Variants in SNX29 observed in about 807,000 individuals in gnomAD.
The protein encoded by SNX29 is sorting nexin 29, also known as sorting nexin-29.
SNX29 carries 78 observed loss-of-function variants against 102.1 expected under a neutral mutation model. That is an observed-to-expected ratio of 0.76 (90% CI 0.64 to 0.92). The LOEUF is 0.92. Ranked by LOEUF, SNX29 falls within the 40% of genes least tolerant of loss-of-function variation. The probability of loss-of-function intolerance (pLI) is 0.00; values close to 1 mark genes in which losing one functional copy is unlikely to be tolerated. For synonymous variants in SNX29, 580 were observed against 414.5 expected (o/e 1.40, Z -4.85); for missense variants, 1,280 against 1,061.7 (o/e 1.21, Z -2.86).
chr16:12,540,332 G>A (rs559246417), intron 20 of SNX29, among the ~76,000 whole-genome samples: 2 of 152,116 alleles, frequency 1.3e-5, no homozygotes, highest in African/African-American at 4.8e-5. Context: ...CAGCTCTTAT[G>A]ATTAAAGAGG....
At chr16:12,540,164 G>A (rs189773217) in intron 20 of SNX29, among the ~76,000 whole-genome samples, 23 of 152,092 alleles carry the variant, frequency 1.5e-4, no homozygotes, top group Non-Finnish European at 2.4e-4. Context: ...TTAGATCTGC[G>A]ATTCATTTTG....
chr16:12,566,286 G>C (rs2079003474), intron 20 of SNX29, among the ~76,000 whole-genome samples: 1 of 152,138 alleles, frequency 6.6e-6, no homozygotes, highest in African/African-American at 2.4e-5. Flanking sequence ...AGCAGGACTG[G>C]ACAGAGACAC....
chr16:12,288,028 A>T (rs1462761903), intron 15 of SNX29, among the ~76,000 whole-genome samples: 1 of 152,208 alleles, frequency 6.6e-6, no homozygotes, highest in Non-Finnish European at 1.5e-5. Context: ...ATTACAAAAA[A>T]AAATTTTTTT....
Position 12,568,867 on chromosome 16 carries a change from T to G in SNX29, c.*238T>G, listed in dbSNP as rs2079122966. On this transcript the variant is annotated 3_prime_UTR_variant, in exon 21 of 21. Coordinates refer to ENST00000566228, the MANE Select transcript of SNX29 (RefSeq NM_032167.5). ...CTGGAGAGACTGGGACACACAGTCC[T>G]TCTGCTTCTGGGGTCTACCCTGGGC... The G allele has an allele frequency of 5.0e-6, 3 of 604,766 alleles. No homozygotes were observed. Among genetic ancestry groups the G allele is most frequent in the African/African-American group, 1.9e-5 (1 of 53,312 alleles). 37.5% of individuals were successfully genotyped at this position (604,766 alleles called of 1,614,324 possible). A position where few individuals can be genotyped will look rare whatever the true frequency, so the allele number is the denominator to read the frequency against.
chr16:12,519,972 A>G (rs1016787344), intron 19 of SNX29, among the ~76,000 whole-genome samples: 2 of 152,168 alleles, frequency 1.3e-5, no homozygotes, highest in Non-Finnish European at 2.9e-5. Context: ...CGACAGAGCG[A>G]GACTCTGTCC....
chr16:12,413,807 TACTC>T (rs1227644884), intron 18 of SNX29, among the ~76,000 whole-genome samples: 5 of 152,326 alleles, frequency 3.3e-5, no homozygotes, highest in African/African-American at 7.2e-5. Context: ...AGAGTGGCCT[TACTC>T]ACTTACCGCT....
Position 12,573,878 on chromosome 16 carries a change from G to A in SNX29, c.*5249G>A, listed in dbSNP as rs867300153. 9.6e-6 allele frequency: 2 copies of A among 208,066 alleles called. No individual in the cohort carries two copies. Among genetic ancestry groups the A allele is most frequent in the African/African-American group, 4.6e-5 (2 of 43,892 alleles). 12.9% of individuals were successfully genotyped at this position (208,066 alleles called of 1,614,324 possible). On this transcript the variant is annotated 3_prime_UTR_variant, in exon 21 of 21. Coordinates refer to ENST00000566228, the MANE Select transcript of SNX29 (RefSeq NM_032167.5). ...GAATGTTGGCCTCTCTTCATCCCTG[G>A]CTTAGCCGTCAGGTAGAACGCTTAC... is the stretch of plus-strand genomic sequence containing the variant.
At chr16:12,059,550 A>C (rs994109212) in intron 8 of SNX29, among the ~76,000 whole-genome samples, 1 of 151,986 alleles carries the variant, frequency 6.6e-6, no homozygotes, top group African/African-American at 2.4e-5. Context: ...TGTGCTTCTC[A>C]CTCTGTGCCA....
chr16:12,321,248 C>G (rs949366174), intron 15 of SNX29, among the ~76,000 whole-genome samples: 1 of 152,204 alleles, frequency 6.6e-6, no homozygotes, highest in Non-Finnish European at 1.5e-5. Context: ...ACGCAGGGAC[C>G]AAAGCCACCT....
chr16:12,232,141 G>A (rs2077788655), intron 14 of SNX29, among the ~76,000 whole-genome samples: 1 of 152,194 alleles, frequency 6.6e-6, no homozygotes, highest in Admixed American at 6.5e-5. Context: ...TTTTGAGGAT[G>A]AAACCTTCAA....
At chr16:12,134,609 C>T (rs1347382361) in intron 13 of SNX29, among the ~76,000 whole-genome samples, 1 of 152,160 alleles carries the variant, frequency 6.6e-6, no homozygotes, top group Admixed American at 6.5e-5. Flanking sequence ...TGGAAGCCAC[C>T]ATGTTTTTAA....
At chr16:12,331,060 G>T (rs8052018) in intron 15 of SNX29, among the ~76,000 whole-genome samples, 6 of 152,236 alleles carry the variant, frequency 3.9e-5, no homozygotes, top group African/African-American at 1.4e-4. Context: ...TTCAGAGCCT[G>T]TGTCTGTGTT....
chr16:12,147,257 T>C (rs1033891721), intron 13 of SNX29, among the ~76,000 whole-genome samples: 1 of 152,138 alleles, frequency 6.6e-6, no homozygotes, highest in Non-Finnish European at 1.5e-5. Flanking sequence ...CATGCAGCTG[T>C]TAAGGGAAAA....
chr16:12,092,755 C>G (rs767465231), intron 11 of SNX29, among the ~76,000 whole-genome samples: 1 of 152,236 alleles, frequency 6.6e-6, no homozygotes, highest in Non-Finnish European at 1.5e-5. Context: ...AAGAACCACT[C>G]TGCTGAAGTT....
At chr16:12,497,234 C>T (rs1794302) in intron 19 of SNX29, among the ~76,000 whole-genome samples, 70,219 of 152,082 alleles carry the variant, frequency 0.46, 16,922 homozygotes, top group South Asian at 0.64. Context: ...AAAAAGTAAA[C>T]GAAAAGCTTC....
At chr16:12,133,844 A>G (rs1316671831) in intron 13 of SNX29, among the ~76,000 whole-genome samples, 2 of 152,196 alleles carry the variant, frequency 1.3e-5, no homozygotes, top group African/African-American at 4.8e-5. Flanking sequence ...AGATATTCGA[A>G]TGCTAAGTAT....
intron 11 of SNX29, among the ~76,000 whole-genome samples, chr16:12,123,725 G>T (rs980873360): frequency 6.6e-6 from 1 of 151,576 alleles, no homozygotes; most frequent in African/African-American, 2.4e-5. Context: ...GAATGAAGAA[G>T]GCTGAGAGTG....
chr16:12,053,281 T>C (rs1038838877), intron 8 of SNX29: 1 of 129,612 alleles, frequency 7.7e-6, no homozygotes, highest in African/African-American at 3.0e-5. Flanking sequence ...AGAAGGTCCT[T>C]CTCAAAAAAA....
chr16:12,010,117 G>C lies in SNX29; in HGVS notation c.122+7074G>C, dbSNP rs1425714410. ...GTAGTATAATGGTATTCACTTCAGA[G>C]GGTTGTTATGAGTCAGTTCATGTGC... On this transcript the variant is annotated intron_variant, in intron 3 of 20. Transcript: ENST00000566228. Among the ~76,000 whole-genome samples the C allele has an allele frequency of 2.6e-5, 4 of 152,320 alleles. No individual in the cohort carries two copies. The East Asian group carries it at 7.7e-4, about 29-fold the overall frequency.
Sources: allele counts gnomAD v4.1 joint callset (sites outside exome capture counted in the v4.1 genomes callset), GRCh38; gene constraint gnomAD v4.1.1; transcripts MANE v1.5; gene names NCBI Gene and HGNC (gene_info 2026-07-23, HGNC 2026-07-21).